The following SYNPR variants were observed in gnomAD, a reference collection of about 807,000 sequenced individuals.
SYNPR encodes synaptoporin.
Under a neutral mutation model 32.9 loss-of-function variants are expected in SYNPR, and 23 were observed. That is an observed-to-expected ratio of 0.70 (90% CI 0.50 to 0.99). The LOEUF is 0.99. Ranked by LOEUF, SYNPR falls within the 50% of genes least tolerant of loss-of-function variation. The pLI, the probability that SYNPR is intolerant of heterozygous loss-of-function variation, is 0.00. For missense variants in SYNPR, 318 were observed against 349.3 expected, an observed-to-expected ratio of 0.91 and a Z score of 0.71; for synonymous variants, 146 against 135.9, an observed-to-expected ratio of 1.07 and a Z score of -0.52.
At chr3:63,281,228 T>C (rs924726471) in intron 2 of SYNPR, among the ~76,000 whole-genome samples, 1 of 152,208 alleles carries the variant, frequency 6.6e-6, no homozygotes, top group Non-Finnish European at 1.5e-5. Context: ...AAACAGCAAG[T>C]AATCAGCAAA....
intron 3 of SYNPR, among the ~76,000 whole-genome samples, chr3:63,503,024 A>G (rs1284719362): frequency 6.6e-6 from 1 of 152,124 alleles, no homozygotes; most frequent in African/African-American, 2.4e-5. Context: ...TGGTAAGAGT[A>G]TGTTTAGTTT....
chr3:63,369,795 T>C (rs972346457), intron 2 of SYNPR, among the ~76,000 whole-genome samples: 1 of 152,178 alleles, frequency 6.6e-6, no homozygotes, highest in Admixed American at 6.5e-5. Flanking sequence ...TAATACCATA[T>C]TTTGCTTATA....
chr3:63,412,320 A>G (rs1169544051), intron 2 of SYNPR, among the ~76,000 whole-genome samples: 2 of 152,128 alleles, frequency 1.3e-5, no homozygotes, highest in Non-Finnish European at 2.9e-5. Flanking sequence ...TTGCACTGAA[A>G]ATATTTCTTT....
At chr3:63,293,930 G>T (rs2086768577) in intron 2 of SYNPR, among the ~76,000 whole-genome samples, 1 of 152,130 alleles carries the variant, frequency 6.6e-6, no homozygotes, top group Non-Finnish European at 1.5e-5. Context: ...CACAAGTGAG[G>T]ACTTCAACAT....
chr3:63,231,515 T>C (rs2086166651), intron 1 of SYNPR, among the ~76,000 whole-genome samples: 1 of 152,220 alleles, frequency 6.6e-6, no homozygotes, highest in African/African-American at 2.4e-5. Flanking sequence ...AACTACTGCT[T>C]AGTGACTGCC....
At chr3:63,502,935 T>C (rs1439881104) in intron 3 of SYNPR, among the ~76,000 whole-genome samples, 3 of 152,154 alleles carry the variant, frequency 2.0e-5, no homozygotes, top group Non-Finnish European at 4.4e-5. Flanking sequence ...ACTATAAACA[T>C]CTCTATGCAG....
chr3:63,325,742 T>G (rs1277267874), intron 2 of SYNPR, among the ~76,000 whole-genome samples: 1 of 152,090 alleles, frequency 6.6e-6, no homozygotes, highest in Non-Finnish European at 1.5e-5. Context: ...CCCATCATTC[T>G]CGGTGGAAAC....
chr3:63,223,421 C>T (rs1444912944), upstream of SYNPR, among the ~76,000 whole-genome samples: 1 of 151,722 alleles, frequency 6.6e-6, no homozygotes, highest in African/African-American at 2.4e-5. Flanking sequence ...CTCTTGAATG[C>T]TTTCCCACGT....
intron 4 of SYNPR, among the ~76,000 whole-genome samples, chr3:63,592,076 A>G (rs954140160): frequency 6.6e-6 from 1 of 152,020 alleles, no homozygotes; most frequent in East Asian, 1.9e-4. Context: ...ACAGGTGTCC[A>G]TAAGAGAAAA....
chr3:63,227,858 G>A (rs2086140673), upstream of SYNPR, among the ~76,000 whole-genome samples: 1 of 152,136 alleles, frequency 6.6e-6, no homozygotes, highest in Non-Finnish European at 1.5e-5. Context: ...AGAGTTAGAA[G>A]AGCTGAGTTT....
In SYNPR at chr3:63,456,161, A is replaced by G. The variant is rs536385537; in HGVS notation, c.85-24671A>G. On this transcript the variant is annotated intron_variant, in intron 2 of 5. Transcript: ENST00000478300. Reference sequence around the variant, plus strand: ...AACAGCAGGGGAAAGACTTATCTCCATGATTCAATTACTTCCCACTGGGTC... The same window carrying G: ...AACAGCAGGGGAAAGACTTATCTCCGTGATTCAATTACTTCCCACTGGGTC... Among the ~76,000 whole-genome samples the G allele has an allele frequency of 5.3e-5, 8 of 152,194 alleles. No homozygotes were observed. In the South Asian group the frequency reaches 8.3e-4, roughly 16 times the overall value.
At chr3:63,494,612 A>C (rs1236626972) in intron 3 of SYNPR, among the ~76,000 whole-genome samples, 1 of 151,492 alleles carries the variant, frequency 6.6e-6, no homozygotes, top group Admixed American at 6.6e-5. Context: ...TAAGTTTACC[A>C]TATACCAGGA....
At chr3:63,263,933 C>T (rs1431831207) in intron 2 of SYNPR, among the ~76,000 whole-genome samples, 1 of 152,088 alleles carries the variant, frequency 6.6e-6, no homozygotes, top group Non-Finnish European at 1.5e-5. Context: ...GGCCGTGTTT[C>T]AAAACTGCCA....
At chr3:63,425,668 G>A (rs1699879037) in intron 2 of SYNPR, among the ~76,000 whole-genome samples, 1 of 151,966 alleles carries the variant, frequency 6.6e-6, no homozygotes, top group Non-Finnish European at 1.5e-5. Context: ...TGTGACCTTA[G>A]GCAGGTTACT....
intron 2 of SYNPR, among the ~76,000 whole-genome samples, chr3:63,317,487 G>A (rs908263019): frequency 6.6e-6 from 1 of 151,838 alleles, no homozygotes; most frequent in Non-Finnish European, 1.5e-5. Flanking sequence ...ATTATATAAT[G>A]TCCCTTTGTT....
intron 2 of SYNPR, among the ~76,000 whole-genome samples, chr3:63,461,662 G>T (rs1700586251): frequency 6.6e-6 from 1 of 151,762 alleles, no homozygotes; most frequent in South Asian, 2.1e-4. Context: ...TCAATGTATG[G>T]ATGCAGTTCA....
chr3:63,530,692 T>C (rs572136938), intron 3 of SYNPR, among the ~76,000 whole-genome samples: 1 of 152,274 alleles, frequency 6.6e-6, no homozygotes, highest in Non-Finnish European at 1.5e-5. Flanking sequence ...TGGGCACTAA[T>C]GGTCTGTGAC....
chr3:63,318,765 G>C lies in SYNPR; in HGVS notation c.84+40023G>C, dbSNP rs549778110. On this transcript the variant is annotated intron_variant, in intron 2 of 5. Coordinates refer to ENST00000478300, the MANE Select transcript of SYNPR (RefSeq NM_001130003.2). ...CTTGAATTCTTTTTCAGGTAAACCAGGGATTTTTTCTTGGTTTGGATCCAT... is the reference window on the plus strand; with the variant it reads ...CTTGAATTCTTTTTCAGGTAAACCACGGATTTTTTCTTGGTTTGGATCCAT... Among the ~76,000 whole-genome samples the C allele has an allele frequency of 3.9e-5, 6 of 152,076 alleles. No homozygotes were observed. In the East Asian group the frequency reaches 1.2e-3, roughly 30 times the overall value.
chr3:63,272,045 A>C (rs2086540641), intron 3 of SYNPR, among the ~76,000 whole-genome samples: 1 of 152,200 alleles, frequency 6.6e-6, no homozygotes, highest in African/African-American at 2.4e-5. Context: ...ATGACTTCTT[A>C]AAAGTATATG....
Sources: allele counts gnomAD v4.1 joint callset (sites outside exome capture counted in the v4.1 genomes callset), GRCh38; gene constraint gnomAD v4.1.1; transcripts MANE v1.5; gene names NCBI Gene and HGNC (gene_info 2026-07-23, HGNC 2026-07-21).